The following ZDHHC15 variants were observed in gnomAD, a reference collection of about 807,000 sequenced individuals.
ZDHHC15 encodes the protein palmitoyltransferase ZDHHC15.
ZDHHC15 carries 19 observed loss-of-function variants against 31.7 expected under a neutral mutation model. That is an observed-to-expected ratio of 0.60 (90% CI 0.42 to 0.88). The LOEUF is 0.88. ZDHHC15 is among the 40% of genes least tolerant of loss of function. The probability of loss-of-function intolerance (pLI) is 0.00; values close to 1 mark genes in which losing one functional copy is unlikely to be tolerated. For synonymous variants in ZDHHC15, 103 were observed against 90.0 expected (o/e 1.14, Z -0.82); for missense variants, 209 against 251.2 (o/e 0.83, Z 1.14).
At chrX:75,378,516 C>T (rs996573270) in intron 11 of ZDHHC15, among the ~76,000 whole-genome samples, 2 of 111,812 alleles carry the variant, frequency 1.8e-5, no homozygotes, top group Non-Finnish European at 1.9e-5. Context: ...GAGCTATAAG[C>T]TCTATGGTAT....
At chrX:75,506,591 G>A (rs2085168734) in intron 1 of ZDHHC15, among the ~76,000 whole-genome samples, 1 of 111,265 alleles carries the variant, frequency 9.0e-6, no homozygotes, top group South Asian at 3.7e-4. Context: ...CCAACTCCTT[G>A]TTGTTGTCTT....
chrX:75,373,924 C>CTTTTTTTTTTTTT (rs1298329750), intron 11 of ZDHHC15, among the ~76,000 whole-genome samples: 1 of 19,050 alleles, frequency 5.2e-5, no homozygotes, highest in Non-Finnish European at 1.6e-4. Context: ...TTCATTCTTT[C>CTTTTTTTTTTTTT]TGTTTTTTTT....
intron 2 of ZDHHC15, among the ~76,000 whole-genome samples, chrX:75,495,492 T>C (rs1277519555): frequency 3.6e-5 from 4 of 110,730 alleles, no homozygotes; most frequent in Non-Finnish European, 7.6e-5. Context: ...GTATGTTTAT[T>C]GCGGCACTAT....
chrX:75,489,034 G>A (rs1016530795), intron 2 of ZDHHC15, among the ~76,000 whole-genome samples: 2 of 111,541 alleles, frequency 1.8e-5, no homozygotes, highest in Admixed American at 9.5e-5. Flanking sequence ...ACTGCAAGGC[G>A]GCAGGGGGGA....
chrX:75,377,212 A>T (rs1382815341), intron 11 of ZDHHC15, among the ~76,000 whole-genome samples: 1 of 111,085 alleles, frequency 9.0e-6, no homozygotes, highest in African/African-American at 3.3e-5. Context: ...TTCTATTATT[A>T]TCAGAATATG....
At chrX:75,521,326 T>C (rs2085438224) in intron 1 of ZDHHC15, among the ~76,000 whole-genome samples, 1 of 111,106 alleles carries the variant, frequency 9.0e-6, no homozygotes, top group Non-Finnish European at 1.9e-5. Flanking sequence ...GATTCTTCAA[T>C]GTGAGAAGAC....
intron 2 of ZDHHC15, among the ~76,000 whole-genome samples, chrX:75,489,689 C>G (rs1229093351): frequency 8.9e-6 from 1 of 112,289 alleles, no homozygotes. Context: ...AGGACCTCTC[C>G]TCCTCCAAAG....
intron 3 of ZDHHC15, among the ~76,000 whole-genome samples, chrX:75,462,120 G>T (rs1391703599): frequency 9.0e-6 from 1 of 110,984 alleles, no homozygotes; most frequent in Non-Finnish European, 1.9e-5. Flanking sequence ...AAAAAGTAGA[G>T]GTTACAATCC....
chrX:75,495,526 C>T (rs942297564), intron 2 of ZDHHC15, among the ~76,000 whole-genome samples: 1 of 110,695 alleles, frequency 9.0e-6, no homozygotes, highest in Non-Finnish European at 1.9e-5. Context: ...GACTTGGAAC[C>T]AACCCAAATA....
At chrX:75,447,429 G>A (rs1254579039) in intron 4 of ZDHHC15, among the ~76,000 whole-genome samples, 2 of 112,283 alleles carry the variant, frequency 1.8e-5, no homozygotes, top group Non-Finnish European at 3.8e-5. Context: ...CACAGCAAGA[G>A]AAGTGCTGCA....
At chrX:75,401,143 T>G (rs1456427587) in intron 10 of ZDHHC15, among the ~76,000 whole-genome samples, 1 of 48,207 alleles carries the variant, frequency 2.1e-5, no homozygotes, top group African/African-American at 4.5e-5. Flanking sequence ...ACATGGCTTC[T>G]GATGAATCTT....
intron 10 of ZDHHC15, among the ~76,000 whole-genome samples, chrX:75,401,827 T>C (rs2083362010): frequency 8.9e-6 from 1 of 111,922 alleles, no homozygotes; most frequent in African/African-American, 3.3e-5. Context: ...TTTAGACAGA[T>C]AAATGAGACA....
At chrX:75,430,371 A>T (rs1172139860) in intron 5 of ZDHHC15, among the ~76,000 whole-genome samples, 5 of 111,965 alleles carry the variant, frequency 4.5e-5, no homozygotes, top group African/African-American at 1.6e-4. Flanking sequence ...TATGGGTGGA[A>T]TAAGTACTCA....
chrX:75,477,022 AT>A (rs931244585), intron 3 of ZDHHC15, among the ~76,000 whole-genome samples: 5 of 110,643 alleles, frequency 4.5e-5, no homozygotes, highest in African/African-American at 1.6e-4. Context: ...ACAGCCATAA[AT>A]TTTTTTCTGA....
At chrX:75,522,847 T>A in intron 1 of ZDHHC15, 42 bp downstream of exon 1, 2 of 1,206,390 alleles carry the variant, frequency 1.7e-6, no homozygotes, top group Non-Finnish European at 2.2e-6. Flanking sequence ...ACGATTATAT[T>A]GGAGTATAAT....
chrX:75,462,668 C>T (rs1244170746), intron 3 of ZDHHC15, among the ~76,000 whole-genome samples: 1 of 112,037 alleles, frequency 8.9e-6, no homozygotes, highest in Non-Finnish European at 1.9e-5. Flanking sequence ...TCTTGAATGA[C>T]TCTTGGGCAA....
chrX:75,479,309 T>C (rs1174219513), intron 2 of ZDHHC15, among the ~76,000 whole-genome samples: 2 of 112,103 alleles, frequency 1.8e-5, no homozygotes, highest in African/African-American at 3.2e-5. Context: ...TGAAAGGTGA[T>C]AATGACACAA....
Position 75,393,408 on chromosome X carries a change from C to A in ZDHHC15, c.968-14210G>T, listed in dbSNP as rs371663179. Among the ~76,000 whole-genome samples, 28 of 111,234 alleles carry A rather than the reference C, an allele frequency of 2.5e-4. 1 individual carries two copies. The East Asian group carries it at 5.7e-3, about 23-fold the overall frequency. ...TCATCATTTTCCTTCACCAGTTTTT[C>A]CACTGAACTTAGGAGCAGCCAACCA... On this transcript the variant is annotated intron_variant, in intron 10 of 11. Coordinates refer to ENST00000373367, the MANE Select transcript of ZDHHC15 (RefSeq NM_144969.3).
At chrX:75,399,002 C>T (rs1249840229) in intron 10 of ZDHHC15, among the ~76,000 whole-genome samples, 1 of 112,218 alleles carries the variant, frequency 8.9e-6, no homozygotes, top group Admixed American at 9.4e-5. Flanking sequence ...GACAAAACTC[C>T]CTGAAATAGG....
Sources: gnomAD v4.1 joint callset for allele counts (sites outside exome capture counted in the v4.1 genomes callset) on GRCh38, gnomAD v4.1.1 for gene constraint, MANE v1.5 for transcripts, NCBI Gene and HGNC (gene_info 2026-07-23, HGNC 2026-07-21) for gene names.